MAEA: variants seen among roughly 807,000 people sequenced by gnomAD.
The protein encoded by MAEA is macrophage erythroblast attacher, E3 ubiquitin ligase.
In MAEA, 22 loss-of-function variants were observed where a neutral mutation model predicts 46.2. The ratio of observed to expected loss-of-function variants is 0.48; its 90% CI spans 0.34 to 0.68. MAEA has a LOEUF of 0.68. Ranked by LOEUF, MAEA falls within the 30% of genes least tolerant of loss-of-function variation. MAEA has a pLI of 0.01. For missense variants in MAEA, 393 were observed against 558.1 expected, an observed-to-expected ratio of 0.70 and a Z score of 2.98; for synonymous variants, 246 against 222.6, an observed-to-expected ratio of 1.11 and a Z score of -0.94.
intron 3 of MAEA, among the ~76,000 whole-genome samples, chr4:1,320,335 A>G (rs1269315196): frequency 6.6e-6 from 1 of 152,102 alleles, no homozygotes; most frequent in African/African-American, 2.4e-5. Flanking sequence ...GCTTCAGAAA[A>G]GAAATCATCA....
At chr4:1,328,712 C>T (rs970861918) in intron 5 of MAEA, 2 of 1,265,618 alleles carry the variant, frequency 1.6e-6, no homozygotes, top group African/African-American at 1.5e-5. Flanking sequence ...GAGGGTGGTC[C>T]CCAAGACGCA....
intron 3 of MAEA, among the ~76,000 whole-genome samples, chr4:1,318,902 A>T (rs952622346): frequency 6.7e-6 from 1 of 150,320 alleles, no homozygotes; most frequent in Non-Finnish European, 1.5e-5. Flanking sequence ...ACAGGACAGG[A>T]AGCTGCTGCC....
chr4:1,336,598 T>C (rs1345411309), intron 6 of MAEA, among the ~76,000 whole-genome samples: 15 of 151,580 alleles, frequency 9.9e-5, no homozygotes, highest in Admixed American at 9.8e-4. Flanking sequence ...GCACTGACCC[T>C]GTAGCATGTT....
intron 1 of MAEA, among the ~76,000 whole-genome samples, chr4:1,297,237 G>A (rs1254450731): frequency 1.3e-5 from 2 of 152,226 alleles, no homozygotes; most frequent in African/African-American, 4.8e-5. Context: ...AGGTTTTCTC[G>A]ATTTCTGTTT....
At chr4:1,295,760 G>A (rs188866759) in intron 1 of MAEA, among the ~76,000 whole-genome samples, 2 of 31,578 alleles carry the variant, frequency 6.3e-5, no homozygotes, top group Non-Finnish European at 1.0e-4. Context: ...CCCCTCACCC[G>A]TGCCTCTGCC....
chr4:1,329,293 C>G (rs1458381992), intron 5 of MAEA: 1 of 982,614 alleles, frequency 1.0e-6, no homozygotes, highest in Non-Finnish European at 1.2e-6. Flanking sequence ...CGTAGGGTCT[C>G]TTTGCCTGTG....
chr4:1,330,723 A>C (rs1711661119), intron 5 of MAEA: 1 of 152,226 alleles, frequency 6.6e-6, no homozygotes, highest in South Asian at 2.1e-4. Context: ...CTGTGGATGC[A>C]TACCGTGCTG....
At position 1,301,901 on chromosome 4, in the gene MAEA, G is replaced by A. The variant is rs139994279; in HGVS notation, c.70-10078G>A. ...CACAAAGAAAAGCCTGAGACCAGAT[G>A]GTTTCACTGATGAATTCTGTTAAAC... On this transcript the variant is annotated intron_variant, in intron 1 of 8. Transcript: ENST00000303400. Among the ~76,000 whole-genome samples, 198 of 152,258 alleles carry A rather than the reference G, an allele frequency of 1.3e-3. 1 individual carries two copies. Among genetic ancestry groups the A allele is most frequent in the African/African-American group, 4.5e-3 (188 of 41,534 alleles).
chr4:1,332,478 G>A, intron 5 of MAEA: 1 of 321,764 alleles, frequency 3.1e-6, no homozygotes, highest in Non-Finnish European at 5.9e-6. Context: ...ACTTTGGGAG[G>A]CCGGGGCAGG....
At chr4:1,337,708 T>C in intron 7 of MAEA, 1 of 175,156 alleles carries the variant, frequency 5.7e-6, no homozygotes, top group Non-Finnish European at 1.2e-5. Flanking sequence ...TGTCCTCGCC[T>C]GTGACTGACT....
chr4:1,336,768 G>A (rs937268680), intron 6 of MAEA, 93 bp from the exon 7 acceptor site: 11 of 1,274,386 alleles, frequency 8.6e-6, no homozygotes, highest in Admixed American at 6.3e-5. Flanking sequence ...GCTGTGGGCC[G>A]ATGGCACCTG....
chr4:1,335,201 C>T (rs1281445633), intron 6 of MAEA: 10 of 985,326 alleles, frequency 1.0e-5, no homozygotes, highest in African/African-American at 7.0e-5. Flanking sequence ...TAACATGGAC[C>T]GGTTGTTTTC....
chr4:1,323,722 G>A (rs1224671844), intron 4 of MAEA: 2 of 666,098 alleles, frequency 3.0e-6, no homozygotes, highest in Non-Finnish European at 5.5e-6. Flanking sequence ...GATGTCAGAG[G>A]GAAGATAGGT....
intron 3 of MAEA, among the ~76,000 whole-genome samples, chr4:1,320,368 T>A (rs534740145): frequency 1.3e-5 from 2 of 150,170 alleles, no homozygotes; most frequent in African/African-American, 4.9e-5. Context: ...AAGAAAATGC[T>A]ATGAAGGGGC....
chr4:1,329,542 CAACA>C, intron 5 of MAEA: 2 of 985,212 alleles, frequency 2.0e-6, no homozygotes, highest in Non-Finnish European at 2.4e-6. Context: ...GCATGGCAAA[CAACA>C]CCCCAGTGTC....
intron 3 of MAEA, among the ~76,000 whole-genome samples, chr4:1,318,742 C>T (rs558812534): frequency 1.6e-4 from 25 of 152,310 alleles, no homozygotes; most frequent in African/African-American, 5.1e-4. Context: ...CTGGTCAGAC[C>T]TGGACTTCCT....
intron 1 of MAEA, chr4:1,298,017 T>C (rs1195551720): frequency 4.4e-6 from 2 of 456,190 alleles, no homozygotes; most frequent in Non-Finnish European, 8.8e-6. Context: ...AAGCCGCACC[T>C]ATCTGCTGAG....
intron 1 of MAEA, among the ~76,000 whole-genome samples, chr4:1,303,232 C>CAAAAAAAAA (rs71168823): frequency 0.011 from 676 of 63,834 alleles, 1 homozygote; most frequent in Non-Finnish European, 0.013. Flanking sequence ...ACTAAAAATA[C>CAAAAAAAAA]AAAAAAAAAA....
intron 5 of MAEA, among the ~76,000 whole-genome samples, chr4:1,328,322 C>T (rs1211034291): frequency 3.9e-5 from 6 of 152,172 alleles, no homozygotes; most frequent in African/African-American, 4.8e-5. Flanking sequence ...AGAGGCTGTC[C>T]GCTGGCTTCC....
Sources: gnomAD v4.1 joint callset for allele counts (sites outside exome capture counted in the v4.1 genomes callset) on GRCh38, gnomAD v4.1.1 for gene constraint, MANE v1.5 for transcripts, NCBI Gene and HGNC (gene_info 2026-07-23, HGNC 2026-07-21) for gene names.